PCDHGB6: variants seen among roughly 807,000 people sequenced by gnomAD.
The protein encoded by PCDHGB6 is protocadherin gamma subfamily B, 6.
Under a neutral mutation model 59.1 loss-of-function variants are expected in PCDHGB6, and 51 were observed. The observed-to-expected ratio is 0.86, with a 90% CI of 0.69 to 1.09. PCDHGB6 has a LOEUF of 1.09. Among genes scored for constraint, PCDHGB6 ranks in the 50% least tolerant of loss-of-function variants. The pLI is 0.00. For missense variants in PCDHGB6, 1,148 were observed against 1,205.1 expected, an observed-to-expected ratio of 0.95 and a Z score of 0.70; for synonymous variants, 466 against 495.1, an observed-to-expected ratio of 0.94 and a Z score of 0.78.
chr5:141,410,980 A>G (rs2095454359), intron 1 of PCDHGB6: 1 of 175,670 alleles, frequency 5.7e-6, no homozygotes, highest in South Asian at 1.4e-4. Context: ...CAGCCTCCCA[A>G]GTAGCTGGGA....
Position 141,485,172 on chromosome 5 carries a change from C to A in PCDHGB6, c.2419-9635C>A. ...CAAGTAGAGAATTAGCGGGCGGCAG[C>A]AATGCTCCGCAAGGTGAGAAGCTGG... On this transcript the variant is annotated intron_variant, in intron 1 of 3. Transcript: ENST00000520790. The surrounding 1 kb of genome is among the most constrained non-coding windows in gnomAD (Gnocchi z 5.7). 6.2e-7 allele frequency: 1 copy of A among 1,610,164 alleles called. No individual in the cohort carries two copies. The highest frequency in any genetic ancestry group is 8.5e-7 in the Non-Finnish European group (1 of 1,176,940).
chr5:141,491,861 C>A lies in PCDHGB6; in HGVS notation c.2419-2946C>A. ...GGATCATTGGACCGTTTGCGCGAAA[C>A]CAGAGTGGCCGATTAAGGGATGGGG... On this transcript the variant is annotated intron_variant, in intron 1 of 3. Transcript: ENST00000520790. The surrounding 1 kb of genome is among the most constrained non-coding windows in gnomAD (Gnocchi z 6.9). 6.9e-7 allele frequency: 1 copy of A among 1,455,272 alleles called. No homozygotes were observed. The highest frequency in any genetic ancestry group is 9.1e-7 in the Non-Finnish European group (1 of 1,100,930). The allele number at this position is 1,455,272 out of a possible 1,614,324, so 90.1% of individuals were successfully genotyped here.
At chr5:141,455,185 T>C (rs1334330699) in intron 1 of PCDHGB6, among the ~76,000 whole-genome samples, 1 of 152,064 alleles carries the variant, frequency 6.6e-6, no homozygotes, top group Admixed American at 6.6e-5. Flanking sequence ...TTTTTATTTC[T>C]CTACAAATTT....
chr5:141,485,226 T>C lies in PCDHGB6; in HGVS notation c.2419-9581T>C. ...GAAATCTGGCGGTGGGCTACCCTTT[T>C]GTTCCTCTTTTACCACCTGGGTTAC... On this transcript the variant is annotated intron_variant, in intron 1 of 3. Transcript: ENST00000520790. The surrounding 1 kb of genome is among the most constrained non-coding windows in gnomAD (Gnocchi z 5.7). 1.9e-6 allele frequency: 3 copies of C among 1,614,170 alleles called. No homozygotes were observed. Among genetic ancestry groups the C allele is most frequent in the Non-Finnish European group, 2.5e-6 (3 of 1,180,026 alleles).
chr5:141,497,217 G>A (rs1046945884), intron 2 of PCDHGB6, among the ~76,000 whole-genome samples: 1 of 152,066 alleles, frequency 6.6e-6, no homozygotes, highest in African/African-American at 2.4e-5. Flanking sequence ...AATGGGGGGG[G>A]GAAGATCAGA....
chr5:141,510,813 C>G, intron 3 of PCDHGB6, 134 bp from the exon 4 acceptor site: 2 of 1,537,024 alleles, frequency 1.3e-6, no homozygotes, highest in Non-Finnish European at 1.8e-6. Context: ...CTTGGTGACC[C>G]CTATATTCCC....
At chr5:141,411,771 A>C (rs2095514402) in intron 1 of PCDHGB6, 1 of 151,946 alleles carries the variant, frequency 6.6e-6, no homozygotes, top group Non-Finnish European at 1.5e-5. Flanking sequence ...GGTCTCAGCT[A>C]CTCTGGTGGC....
chr5:141,439,629 A>G (rs1262264623), intron 1 of PCDHGB6, among the ~76,000 whole-genome samples: 1 of 152,208 alleles, frequency 6.6e-6, no homozygotes, highest in East Asian at 1.9e-4. Flanking sequence ...CAATCCCCAG[A>G]CATTCCGGCT....
chr5:141,470,708 A>T (rs1293545270), intron 1 of PCDHGB6, among the ~76,000 whole-genome samples: 1 of 151,804 alleles, frequency 6.6e-6, no homozygotes. Flanking sequence ...TTTTTATTTT[A>T]TTTTTTTGAG....
Position 141,431,687 on chromosome 5 carries a change from G to A in PCDHGB6, c.2418+21067G>A. On this transcript the variant is annotated intron_variant, in intron 1 of 3. Transcript: ENST00000520790. This position sits in a 1 kb window ranked among gnomAD's most constrained non-coding sequence, Gnocchi z 4.8. ...ATCAACAATAGGGGAGTTGGACCAC[G>A]AGGAGTCAGGATTCTACCAGATGGA... The A allele has an allele frequency of 1.9e-6, 3 of 1,614,214 alleles. No homozygotes were observed. Among genetic ancestry groups the A allele is most frequent in the Middle Eastern group, 1.6e-4 (1 of 6,062 alleles).
In PCDHGB6 at chr5:141,477,868, C is replaced by T. The variant is rs1450078298; in HGVS notation, c.2419-16939C>T. 2 of 1,613,750 alleles carry T rather than the reference C, an allele frequency of 1.2e-6. No individual in the cohort carries two copies. Among genetic ancestry groups the T allele is most frequent in the Admixed American group, 3.3e-5 (2 of 59,988 alleles). On this transcript the variant is annotated intron_variant, in intron 1 of 3. Coordinates refer to ENST00000520790, the MANE Select transcript of PCDHGB6 (RefSeq NM_018926.3). This position sits in a 1 kb window ranked among gnomAD's most constrained non-coding sequence, Gnocchi z 4.9. ...CGGTGGAGATGCTGCCTCGAGGTAC[C>T]TCAGCTGGCCACCTAGTGTCACGGG...
chr5:141,413,835 CG>C, intron 1 of PCDHGB6: 2 of 1,613,258 alleles, frequency 1.2e-6, no homozygotes, highest in South Asian at 1.1e-5. Context: ...CCGCCTCCGA[CG>C]GGGGTGACCC....
Position 141,409,405 on chromosome 5 carries a change from C to T in PCDHGB6, c.1203C>T (p.Tyr401=). 1 of 1,614,050 alleles carries T rather than the reference C, an allele frequency of 6.2e-7. No homozygotes were observed. Among genetic ancestry groups the T allele is most frequent in the Non-Finnish European group, 8.5e-7 (1 of 1,179,894 alleles). Reference sequence around the variant, plus strand: ...AGATTTATTCTTCTTCCAATAACTACTACAAACTGGTGACAGATGGAGCCC... The same window carrying T: ...AGATTTATTCTTCTTCCAATAACTATTACAAACTGGTGACAGATGGAGCCC... The part of the protein sequence containing the change: ...PFKIYSSSNN[Y]YKLVTDGALD... The change falls in exon 1 of 4, where the codon TAC becomes TAT. Residue 401 remains tyrosine, a synonymous_variant. Coordinates refer to ENST00000520790, the MANE Select transcript of PCDHGB6 (RefSeq NM_018926.3).
chr5:141,463,308 A>G (rs1233755540), intron 1 of PCDHGB6, among the ~76,000 whole-genome samples: 1 of 151,660 alleles, frequency 6.6e-6, no homozygotes, highest in Admixed American at 6.6e-5. Context: ...CCAAACTCTA[A>G]TATCTATTCC....
Position 141,511,995 on chromosome 5 carries a change from A to G in PCDHGB6, c.*822A>G, listed in dbSNP as rs1049905198. The G allele has an allele frequency of 1.3e-5, 2 of 153,074 alleles. No homozygotes were observed. The highest frequency in any genetic ancestry group is 4.8e-5 in the African/African-American group (2 of 41,464). The allele number at this position is 153,074 out of a possible 1,614,324, so 9.5% of individuals were successfully genotyped here. On this transcript the variant is annotated 3_prime_UTR_variant, in exon 4 of 4. Transcript: ENST00000520790. The stretch of plus-strand genomic sequence containing the variant: ...GGATGTGGATGGTGGGGGCATGGAC[A>G]AAGCTTGACACATCAAGTTATCAAG...
At position 141,511,423 on chromosome 5, in the gene PCDHGB6, A is replaced by G. The variant is rs1301463531; in HGVS notation, c.*250A>G. On this transcript the variant is annotated 3_prime_UTR_variant, in exon 4 of 4. Transcript: ENST00000520790. ...AATCAACTGCTGTACCCATGGGGGTAGTGGGGTTACTGTAGACACCAAGAA... is the reference window on the plus strand; with the variant it reads ...AATCAACTGCTGTACCCATGGGGGTGGTGGGGTTACTGTAGACACCAAGAA... 15 of 818,384 alleles carry G rather than the reference A, an allele frequency of 1.8e-5. No homozygotes were observed. Among genetic ancestry groups the G allele is most frequent in the East Asian group, 3.0e-5 (1 of 33,874 alleles). 50.7% of individuals were successfully genotyped at this position (818,384 alleles called of 1,614,324 possible). A position where few individuals can be genotyped will look rare whatever the true frequency, so the allele number is the denominator to read the frequency against.
In PCDHGB6 at chr5:141,511,188, C is replaced by A; in HGVS notation, c.*15C>A. 1 of 1,613,804 alleles carries A rather than the reference C, an allele frequency of 6.2e-7. No homozygotes were observed. ...AGAAGAAGTAACATGGAGGCCAGGC[C>A]AAGAGCCACAGGGCGGCCTCTCCCC... On this transcript the variant is annotated 3_prime_UTR_variant, in exon 4 of 4. Transcript: ENST00000520790.
chr5:141,490,344 AGTGGGGTTGTTTAAT>A lies in PCDHGB6; in HGVS notation c.2419-4459_2419-4445del. The A allele has an allele frequency of 6.2e-7, 1 of 1,614,178 alleles. No individual in the cohort carries two copies. The highest frequency in any genetic ancestry group is 8.5e-7 in the Non-Finnish European group (1 of 1,180,030). ...TAGAGAGCACACCAGTGGGCACAGT[AGTGGGGTTGTTTAAT>A]GTGCGAGACCGGGACTCAGGTAGAA... On this transcript the variant is annotated intron_variant, in intron 1 of 3. Coordinates refer to ENST00000520790, the MANE Select transcript of PCDHGB6 (RefSeq NM_018926.3). This position sits in a 1 kb window ranked among gnomAD's most constrained non-coding sequence, Gnocchi z 5.4.
Position 141,491,963 on chromosome 5 carries a change from C to A in PCDHGB6, c.2419-2844C>A. ...CCCCCACCCCTACACTCAAAAAAGG[C>A]CGGGGCCTCCTTCGAGCTTCCGGTG... On this transcript the variant is annotated intron_variant, in intron 1 of 3. Coordinates refer to ENST00000520790, the MANE Select transcript of PCDHGB6 (RefSeq NM_018926.3). This position sits in a 1 kb window ranked among gnomAD's most constrained non-coding sequence, Gnocchi z 6.9. 2 of 944,828 alleles carry A rather than the reference C, an allele frequency of 2.1e-6. No homozygotes were observed. Among genetic ancestry groups the A allele is most frequent in the Non-Finnish European group, 3.0e-6 (2 of 670,874 alleles). 58.5% of individuals were successfully genotyped at this position (944,828 alleles called of 1,614,324 possible).
Sources: allele counts gnomAD v4.1 joint callset (sites outside exome capture counted in the v4.1 genomes callset), GRCh38; gene constraint gnomAD v4.1.1; non-coding constraint Gnocchi (gnomAD v3.1); transcripts MANE v1.5; gene names NCBI Gene and HGNC (gene_info 2026-07-23, HGNC 2026-07-21).